Variants in DYNC2H1 observed in about 807,000 individuals in gnomAD.
DYNC2H1 encodes cytoplasmic dynein 2 heavy chain 1.
In DYNC2H1, 410 loss-of-function variants were observed where a neutral mutation model predicts 570.0. The ratio of observed to expected loss-of-function variants is 0.72; its 90% CI spans 0.66 to 0.78. The LOEUF (loss-of-function observed/expected upper bound fraction) is 0.78. Ranked by LOEUF, DYNC2H1 falls within the 30% of genes least tolerant of loss-of-function variation. The pLI is 0.00. For missense variants in DYNC2H1, 4,865 were observed against 5,046.4 expected, an observed-to-expected ratio of 0.96 and a Z score of 1.09; for synonymous variants, 1,688 against 1,677.6, an observed-to-expected ratio of 1.01 and a Z score of -0.15.
chr11:103,291,309 G>A (rs1225791540), intron 75 of DYNC2H1, among the ~76,000 whole-genome samples: 2 of 151,996 alleles, frequency 1.3e-5, no homozygotes, highest in African/African-American at 2.4e-5. Context: ...GTGGTGGCAG[G>A]CACCTGTAAT....
chr11:103,286,496 G>T (rs1487733609), intron 74 of DYNC2H1, 110 bp downstream of exon 74: 2 of 1,277,320 alleles, frequency 1.6e-6, no homozygotes, highest in East Asian at 2.4e-5. Flanking sequence ...ACCTTTAATG[G>T]CGTATTTGGG....
At chr11:103,134,072 T>C (rs1859408909) in intron 14 of DYNC2H1, among the ~76,000 whole-genome samples, 1 of 152,194 alleles carries the variant, frequency 6.6e-6, no homozygotes. Context: ...AGTTATTTTG[T>C]AGAATCTCTC....
chr11:103,223,751 ATT>A (rs58624728), intron 59 of DYNC2H1, among the ~76,000 whole-genome samples: 104,642 of 143,548 alleles, frequency 0.73, 38,447 homozygotes, highest in Admixed American at 0.81. Flanking sequence ...TTATTTATTG[ATT>A]TTTTTTTTTT....
intron 77 of DYNC2H1, among the ~76,000 whole-genome samples, chr11:103,306,399 CTGAT>C (rs1867285016): frequency 6.6e-6 from 1 of 151,994 alleles, no homozygotes; most frequent in Non-Finnish European, 1.5e-5. Context: ...TTTAAAATAA[CTGAT>C]TATTATTTGC....
In DYNC2H1 at chr11:103,220,705, C is replaced by T; in HGVS notation, c.9029C>T (p.Pro3010Leu). ...GAAATTCGCTCACTACGCATGCCAC[C>T]TGATGTAATTAGAGATATTCTTGAA... The part of the protein sequence containing the change: ...LSEIRSLRMP[P>L]DVIRDILEGV... The change falls in exon 57 of 89, where the codon CCT (proline) becomes CTT (leucine). Residue 3010 changes from proline to leucine, a missense_variant. This residue lies in a region of DYNC2H1 where 2,401 missense variants were observed against 2,454.6 expected (regional missense o/e 0.98). Transcript: ENST00000375735. The T allele has an allele frequency of 6.2e-7, 1 of 1,613,062 alleles. No individual in the cohort carries two copies. Among genetic ancestry groups the T allele is most frequent in the Non-Finnish European group, 8.5e-7 (1 of 1,179,364 alleles).
Position 103,147,772 on chromosome 11 carries a change from T to G in DYNC2H1, c.2703T>G (p.Ser901Arg). Residue 901 changes from serine (S) to arginine (R), a missense_variant and splice_region_variant, in exon 19 of 89, where the codon AGT (serine) becomes AGG (arginine). Around this residue, in one of 5 missense-constraint regions of DYNC2H1, gnomAD observed 1,936 missense variants for 1,962.1 expected, o/e 0.99. Transcript: ENST00000375735. The part of the protein sequence containing the change: ...IKGKEVERLP[S>R]AVKVDCLNIN... ...AAATATGTCCATTGACATTTTTCAG[T>G]GCTGTCAAGGTAGATTGTTTAAATA... 6.3e-7 allele frequency: 1 copy of G among 1,583,016 alleles called. No individual in the cohort carries two copies. Among genetic ancestry groups the G allele is most frequent in the Non-Finnish European group, 8.6e-7 (1 of 1,158,216 alleles).
At chr11:103,470,043 G>A (rs1302839191) in intron 88 of DYNC2H1, among the ~76,000 whole-genome samples, 1 of 152,038 alleles carries the variant, frequency 6.6e-6, no homozygotes, top group Non-Finnish European at 1.5e-5. Flanking sequence ...GTATAAACAG[G>A]TTCACTTGAG....
At chr11:103,154,896 A>G (rs1565349058) in intron 24 of DYNC2H1, 87 bp downstream of exon 24, 2 of 981,426 alleles carry the variant, frequency 2.0e-6, no homozygotes, top group Non-Finnish European at 2.8e-6. Context: ...ATTTTACTTT[A>G]TATGTTTTTC....
chr11:103,428,969 G>GA (rs748965841), intron 84 of DYNC2H1, among the ~76,000 whole-genome samples: 1 of 151,756 alleles, frequency 6.6e-6, no homozygotes, highest in Non-Finnish European at 1.5e-5. Context: ...TTTTTTAATT[G>GA]AAAAAATCTG....
intron 82 of DYNC2H1, among the ~76,000 whole-genome samples, chr11:103,336,206 T>G (rs565115155): frequency 3.9e-5 from 6 of 152,356 alleles, no homozygotes; most frequent in Admixed American, 6.5e-5. Context: ...ATATAATATT[T>G]GTTAAAAGCA....
rs541517785 is a variant in DYNC2H1, at chr11:103,470,565, C to T, written c.12765+1860C>T. ...TTAGGTATATCTCCTAATGCTATCC[C>T]TCCCACCACCCCACAACAGTCCCTA... On this transcript the variant is annotated intron_variant, in intron 88 of 88. Coordinates refer to ENST00000375735, the MANE Select transcript of DYNC2H1 (RefSeq NM_001377.3). 2.6e-5 allele frequency among the ~76,000 whole-genome samples: 4 copies of T among 152,296 alleles called. No homozygotes were observed. The East Asian group carries it at 7.7e-4, about 29-fold the overall frequency.
chr11:103,253,560 A>G, intron 66 of DYNC2H1, 112 bp downstream of exon 66: 1 of 1,064,706 alleles, frequency 9.4e-7, no homozygotes, highest in Non-Finnish European at 1.3e-6. Context: ...TACATTTATG[A>G]TTTTGAAAAT....
At chr11:103,402,931 T>C (rs542535398) in intron 84 of DYNC2H1, 12 of 152,268 alleles carry the variant, frequency 7.9e-5, no homozygotes, top group African/African-American at 2.9e-4. Flanking sequence ...CTGTAATGAC[T>C]GTGCATGTTC....
intron 83 of DYNC2H1, among the ~76,000 whole-genome samples, chr11:103,375,113 C>A (rs866492162): frequency 9.3e-4 from 141 of 152,308 alleles, no homozygotes; most frequent in African/African-American, 3.3e-3. Flanking sequence ...AAAAAGGGGT[C>A]AAGGTACAGC....
intron 46 of DYNC2H1, 53 bp downstream of exon 46, chr11:103,191,672 T>C (rs1214564097): frequency 1.5e-5 from 16 of 1,054,010 alleles, no homozygotes; most frequent in South Asian, 5.0e-5. Context: ...GCACATTTAT[T>C]CTCTAGATTG....
chr11:103,294,524 G>C (rs539439708), intron 75 of DYNC2H1, among the ~76,000 whole-genome samples: 2 of 152,110 alleles, frequency 1.3e-5, no homozygotes, highest in African/African-American at 4.8e-5. Flanking sequence ...GAATTCTCTG[G>C]GTTCCTAGAC....
In DYNC2H1 at chr11:103,242,086, A is replaced by G. The variant is rs545483111; in HGVS notation, c.9820-1607A>G. On this transcript the variant is annotated intron_variant, in intron 63 of 88. Transcript: ENST00000375735. ...CCTGGGCATGTGTTCCAAGACCCTC[A>G]GTGGATGCCTGAAAGTTCAGGTAGT... 1.3e-3 allele frequency among the ~76,000 whole-genome samples: 195 copies of G among 152,044 alleles called. 1 individual carries two copies. Among genetic ancestry groups the G allele is most frequent in the African/African-American group, 4.5e-3 (186 of 41,474 alleles).
intron 10 of DYNC2H1, among the ~76,000 whole-genome samples, chr11:103,121,878 G>T (rs1003584500): frequency 7.9e-5 from 12 of 152,134 alleles, no homozygotes; most frequent in African/African-American, 2.9e-4. Flanking sequence ...CTGAACCTGG[G>T]ATATTGAGGC....
chr11:103,187,397 C>T lies in DYNC2H1; in HGVS notation c.6951C>T (p.His2317=), dbSNP rs586592. Residue 2317 remains histidine (H), a synonymous_variant, in exon 43 of 89, where the codon CAC becomes CAT. Transcript: ENST00000375735. ...QLRSTQIATV[H]CSAQTTSRHL... is the part of the protein sequence containing the mutation. ...GGTCCACTCAAATTGCTACAGTTCACTGTAGTGCACAAACCACTTCTCGAC... is the reference window on the plus strand; with the variant it reads ...GGTCCACTCAAATTGCTACAGTTCATTGTAGTGCACAAACCACTTCTCGAC... The T allele has an allele frequency of 0.62, 998,096 of 1,612,840 alleles. 310,608 individuals carry two copies. Among genetic ancestry groups the T allele is most frequent in the Admixed American group, 0.74 (44,535 of 59,906 alleles).
Sources: allele counts gnomAD v4.1 joint callset (sites outside exome capture counted in the v4.1 genomes callset), GRCh38; gene constraint gnomAD v4.1.1; regional missense constraint gnomAD v4.1.1; transcripts MANE v1.5; gene names NCBI Gene and HGNC (gene_info 2026-07-23, HGNC 2026-07-21).